NARS2: variants seen among roughly 807,000 people sequenced by gnomAD.
The protein encoded by NARS2 is asparaginyl-tRNA synthetase.
In NARS2, 60 loss-of-function variants were observed where a neutral mutation model predicts 62.9. The ratio of observed to expected loss-of-function variants is 0.95; its 90% confidence interval spans 0.77 to 1.18. The LOEUF (loss-of-function observed/expected upper bound fraction) is 1.18. Among genes scored for constraint, NARS2 ranks in the 50% most tolerant of loss-of-function variants. The pLI, the probability that NARS2 is intolerant of heterozygous loss-of-function variation, is 0.00. For missense variants in NARS2, 619 were observed against 576.4 expected (o/e 1.07, Z -0.76); for synonymous variants, 196 against 200.0 (o/e 0.98, Z 0.17).
chr11:78,448,398 C>T (rs1284844248), intron 11 of NARS2, among the ~76,000 whole-genome samples: 1 of 150,768 alleles, frequency 6.6e-6, no homozygotes, highest in East Asian at 2.0e-4. Flanking sequence ...CTCACTGCAA[C>T]CTCCGCCTCA....
At chr11:78,443,800 G>A (rs1293086492) in intron 11 of NARS2, 42 bp from the exon 12 acceptor site, 4 of 1,405,970 alleles carry the variant, frequency 2.8e-6, no homozygotes, top group Non-Finnish European at 4.0e-6. Flanking sequence ...ATTTTCAGGT[G>A]ATTCCAACAG....
intron 6 of NARS2, among the ~76,000 whole-genome samples, chr11:78,514,205 C>A (rs1043932459): frequency 2.6e-5 from 4 of 152,144 alleles, no homozygotes; most frequent in African/African-American, 9.7e-5. Flanking sequence ...TCACTGCAGC[C>A]TCGACCTCCT....
chr11:78,531,478 C>T (rs754805492), intron 5 of NARS2, among the ~76,000 whole-genome samples: 1 of 152,086 alleles, frequency 6.6e-6, no homozygotes, highest in Non-Finnish European at 1.5e-5. Flanking sequence ...AATTGAGTTA[C>T]TAAATGGCAC....
At chr11:78,475,580 CTT>C (rs377023107) in intron 9 of NARS2, among the ~76,000 whole-genome samples, 637 of 93,748 alleles carry the variant, frequency 6.8e-3, no homozygotes, top group African/African-American at 0.023. Context: ...TATCATTTGA[CTT>C]TTTTTTTTTT....
intron 11 of NARS2, among the ~76,000 whole-genome samples, chr11:78,446,045 G>T (rs1056280490): frequency 7.9e-5 from 12 of 152,068 alleles, no homozygotes; most frequent in Non-Finnish European, 1.5e-5. Flanking sequence ...TTAAGCCCAA[G>T]AACCTGAAGG....
At chr11:78,485,039 TG>T (rs1467667307) in intron 7 of NARS2, among the ~76,000 whole-genome samples, 2 of 152,340 alleles carry the variant, frequency 1.3e-5, no homozygotes, top group East Asian at 3.9e-4. Context: ...GTATGCACCA[TG>T]GAATACCATG....
intron 11 of NARS2, among the ~76,000 whole-genome samples, chr11:78,451,501 C>G (rs1285048654): frequency 6.6e-6 from 1 of 152,146 alleles, no homozygotes; most frequent in East Asian, 1.9e-4. Flanking sequence ...GTTAAGAGTG[C>G]AGGCAGGTTG....
chr11:78,554,998 T>C (rs1225179093), intron 5 of NARS2, among the ~76,000 whole-genome samples: 1 of 152,220 alleles, frequency 6.6e-6, no homozygotes, highest in African/African-American at 2.4e-5. Context: ...ATCAAAAGCC[T>C]TTTCTGCATT....
In NARS2 at chr11:78,538,994, C is replaced by CAAAA. The variant is rs59917269; in HGVS notation, c.595-10062_595-10059dup. ...TGGGCGACAGAGCGAGAATCCGTCT[C>CAAAA]AAAAAAAAAAAAAAAAAAAAAAAAA... On this transcript the variant is annotated intron_variant, in intron 5 of 13. Transcript: ENST00000281038. Among the ~76,000 whole-genome samples, 201 of 49,794 alleles carry CAAAA rather than the reference C, an allele frequency of 4.0e-3. 15 individuals are homozygous for CAAAA. Among genetic ancestry groups the CAAAA allele is most frequent in the African/African-American group, 0.013 (143 of 11,066 alleles). The allele number at this position is 49,794 out of a possible 152,430, so 32.7% of individuals were successfully genotyped here. A position where few individuals can be genotyped will look rare whatever the true frequency, so the allele number is the denominator to read the frequency against.
Position 78,445,396 on chromosome 11 carries a change from G to A in NARS2, c.1165-1638C>T, listed in dbSNP as rs536796337. Among the ~76,000 whole-genome samples, 88 of 152,242 alleles carry A rather than the reference G, an allele frequency of 5.8e-4. 1 individual carries two copies. The highest frequency in any genetic ancestry group is 1.9e-3 in the African/African-American group (79 of 41,542). On this transcript the variant is annotated intron_variant, in intron 11 of 13. Transcript: ENST00000281038. The stretch of plus-strand genomic sequence containing the variant: ...AATACTTTGGGAGGCCGAGGTGGGC[G>A]GATCACCTGAGGTCAGGAGTTCGAG...
At chr11:78,456,894 C>T (rs1395312220) in intron 11 of NARS2, among the ~76,000 whole-genome samples, 3 of 152,192 alleles carry the variant, frequency 2.0e-5, no homozygotes, top group Admixed American at 2.0e-4. Flanking sequence ...CATGATCTGT[C>T]CCTTTCAAAT....
At chr11:78,468,634 G>A (rs1304676209) in intron 10 of NARS2, among the ~76,000 whole-genome samples, 2 of 151,820 alleles carry the variant, frequency 1.3e-5, no homozygotes, top group African/African-American at 4.8e-5. Flanking sequence ...TCGATCTCCT[G>A]ACCTTGTGAT....
At position 78,566,141 on chromosome 11, in the gene NARS2, AGAAT is replaced by A; in HGVS notation, c.500_503del (p.His167LeufsTer15). On this transcript the variant is annotated frameshift_variant, in exon 4 of 14. Coordinates refer to ENST00000281038, the MANE Select transcript of NARS2 (RefSeq NM_024678.6). LOFTEE classifies it high-confidence loss of function. ...ACTTTTAGGATCTTACCTTAAAGAA[AGAAT>A]GAATAGCAGCTGTCGCTTCACTGCG... The A allele has an allele frequency of 6.2e-7, 1 of 1,606,490 alleles. No individual in the cohort carries two copies. The highest frequency in any genetic ancestry group is 8.5e-7 in the Non-Finnish European group (1 of 1,176,680).
intron 10 of NARS2, among the ~76,000 whole-genome samples, chr11:78,468,221 A>T (rs1000730886): frequency 6.8e-6 from 1 of 147,990 alleles, no homozygotes; most frequent in Non-Finnish European, 1.5e-5. Flanking sequence ...AAACAAAAAA[A>T]CCCCAGTATT....
chr11:78,471,614 A>G (rs181259639), intron 9 of NARS2, among the ~76,000 whole-genome samples: 1 of 151,454 alleles, frequency 6.6e-6, no homozygotes, highest in African/African-American at 2.4e-5. Context: ...TACATGTGCC[A>G]TGCTGGTGCG....
chr11:78,526,212 C>T (rs1354431205), intron 6 of NARS2, among the ~76,000 whole-genome samples: 1 of 152,026 alleles, frequency 6.6e-6, no homozygotes, highest in Non-Finnish European at 1.5e-5. Flanking sequence ...ATAGAGAATA[C>T]ACAAAACTAT....
intron 5 of NARS2, 130 bp from the exon 6 acceptor site, chr11:78,529,066 A>G (rs769325882): frequency 3.5e-5 from 22 of 636,872 alleles, no homozygotes; most frequent in Non-Finnish European, 6.0e-5. Context: ...TTCTCAGGAA[A>G]ATAAAGGTAG....
At chr11:78,480,697 G>A (rs960433267) in intron 7 of NARS2, among the ~76,000 whole-genome samples, 12 of 151,852 alleles carry the variant, frequency 7.9e-5, no homozygotes, top group African/African-American at 2.7e-4. Flanking sequence ...ACTAATTTGG[G>A]GGGGGTGGGA....
At chr11:78,496,363 A>G (rs1860058670) in intron 6 of NARS2, among the ~76,000 whole-genome samples, 1 of 152,170 alleles carries the variant, frequency 6.6e-6, no homozygotes, top group African/African-American at 2.4e-5. Context: ...ATGGACAAGA[A>G]CCTTAGAGTT....
Sources: gnomAD v4.1 joint callset for allele counts (sites outside exome capture counted in the v4.1 genomes callset) on GRCh38, gnomAD v4.1.1 for gene constraint, MANE v1.5 for transcripts, NCBI Gene and HGNC (gene_info 2026-07-23, HGNC 2026-07-21) for gene names.